Variants in TMEM243 observed in about 807,000 individuals in gnomAD.
TMEM243 encodes transmembrane protein 243.
In TMEM243, 20 loss-of-function variants were observed where a neutral mutation model predicts 15.0. The ratio of observed to expected loss-of-function variants is 1.33; its 90% CI spans 0.94 to 1.93. TMEM243 has a LOEUF of 1.93. Ranked by LOEUF, TMEM243 falls within the 30% of genes most tolerant of loss-of-function variation. The pLI, the probability that TMEM243 is intolerant of heterozygous loss-of-function variation, is 0.00. For synonymous variants in TMEM243, 72 were observed against 52.7 expected (o/e 1.37, Z -1.59); for missense variants, 156 against 142.1 (o/e 1.10, Z -0.50).
At position 87,196,647 on chromosome 7, in the gene TMEM243, C is replaced by T; in HGVS notation, c.346G>A (p.Val116Met). 1 of 1,608,840 alleles carries T rather than the reference C, an allele frequency of 6.2e-7. No homozygotes were observed. Among genetic ancestry groups the T allele is most frequent in the Non-Finnish European group, 8.5e-7 (1 of 1,177,700 alleles). The change falls in exon 4 of 4, where the codon GTG (valine) becomes ATG (methionine). Residue 116 changes from valine (V) to methionine (M), a missense_variant. Physicochemically the swap from Val to Met is conservative, Grantham distance 21 (BLOSUM62 1). Coordinates refer to ENST00000257637, the MANE Select transcript of TMEM243 (RefSeq NM_024315.4). ...TCTCCTTGGCAGCCTCACCTTCCCACATCATGGAAGTACAGGTTTGCACAT... is the reference window on the plus strand; with the variant it reads ...TCTCCTTGGCAGCCTCACCTTCCCATATCATGGAAGTACAGGTTTGCACAT... The part of the protein sequence containing the change: ...CICANLYFHD[V>M]GR
In TMEM243 at chr7:87,199,076, T is replaced by C. The variant is rs758850116; in HGVS notation, c.79-19A>G. 13 of 1,601,314 alleles carry C rather than the reference T, an allele frequency of 8.1e-6. No individual in the cohort carries two copies. The East Asian group carries it at 2.9e-4, about 36-fold the overall frequency. ...TTCGATCCTGAAAGAGAAAAGAATTTTTAAGCCATATGACTTGGATCCATG... is the reference window on the plus strand; with the variant it reads ...TTCGATCCTGAAAGAGAAAAGAATTCTTAAGCCATATGACTTGGATCCATG... On this transcript the variant is annotated intron_variant, in intron 1 of 3. Coordinates refer to ENST00000257637, the MANE Select transcript of TMEM243 (RefSeq NM_024315.4).
chr7:87,201,712 G>C (rs2129223790), intron 1 of TMEM243, among the ~76,000 whole-genome samples: 1 of 152,280 alleles, frequency 6.6e-6, no homozygotes, highest in South Asian at 2.1e-4. Flanking sequence ...GGAGTAAATT[G>C]AAACTCATTA....
chr7:87,208,881 T>C (rs1258664832), intron 1 of TMEM243, among the ~76,000 whole-genome samples: 1 of 152,260 alleles, frequency 6.6e-6, no homozygotes, highest in Non-Finnish European at 1.5e-5. Context: ...TGTACAAAGG[T>C]GCCACCGTAT....
At chr7:87,217,129 T>C (rs1803171246) in intron 1 of TMEM243, among the ~76,000 whole-genome samples, 1 of 152,230 alleles carries the variant, frequency 6.6e-6, no homozygotes, top group Admixed American at 6.5e-5. Flanking sequence ...AGAGGCTATA[T>C]GTGTCCGTTC....
Position 87,196,599 on chromosome 7 carries a change from T to C in TMEM243, c.*37A>G. 1 of 1,587,374 alleles carries C rather than the reference T, an allele frequency of 6.3e-7. No individual in the cohort carries two copies. The highest frequency in any genetic ancestry group is 8.5e-7 in the Non-Finnish European group (1 of 1,171,156). ...ATTACTCACTGTCCTAATGTATCAT[T>C]TTGAAGAGTCCTGGTAAGTACTTCT... is the stretch of plus-strand genomic sequence containing the variant. On this transcript the variant is annotated 3_prime_UTR_variant, in exon 4 of 4. Transcript: ENST00000257637.
intron 1 of TMEM243, chr7:87,202,828 A>G (rs551021524): frequency 6.6e-6 from 1 of 152,318 alleles, no homozygotes; most frequent in East Asian, 1.9e-4. Flanking sequence ...GACTCTATCA[A>G]ATGAGAAGAC....
intron 1 of TMEM243, among the ~76,000 whole-genome samples, chr7:87,202,654 T>C (rs1801900940): frequency 6.6e-6 from 1 of 152,216 alleles, no homozygotes; most frequent in African/African-American, 2.4e-5. Flanking sequence ...AAAAATCTCC[T>C]ATCCAATGCT....
intron 1 of TMEM243, among the ~76,000 whole-genome samples, chr7:87,204,892 G>C (rs909902682): frequency 2.6e-5 from 4 of 152,234 alleles, no homozygotes; most frequent in African/African-American, 9.6e-5. Flanking sequence ...CTTCCTTGCT[G>C]CCCTAGCAGA....
At chr7:87,218,236 G>A (rs1456518060) in intron 1 of TMEM243, among the ~76,000 whole-genome samples, 2 of 152,222 alleles carry the variant, frequency 1.3e-5, no homozygotes, top group East Asian at 3.8e-4. Context: ...AACATCTACT[G>A]GAGGAGGAAT....
intron 1 of TMEM243, among the ~76,000 whole-genome samples, chr7:87,209,317 T>A (rs1471834515): frequency 9.6e-6 from 1 of 103,858 alleles, no homozygotes; most frequent in Non-Finnish European, 2.0e-5. Context: ...TGGGAAAGGG[T>A]GGGAATGAGG....
At chr7:87,208,001 C>T (rs555674647) in intron 1 of TMEM243, among the ~76,000 whole-genome samples, 7 of 152,148 alleles carry the variant, frequency 4.6e-5, no homozygotes, top group African/African-American at 1.4e-4. Context: ...CCCCATGATT[C>T]AATCATCTCC....
intron 1 of TMEM243, among the ~76,000 whole-genome samples, chr7:87,213,703 G>A (rs1802915097): frequency 6.6e-6 from 1 of 152,118 alleles, no homozygotes; most frequent in Non-Finnish European, 1.5e-5. Flanking sequence ...ATTTGCAGAG[G>A]CCAAATGCTC....
At chr7:87,207,864 AC>A (rs1477143630) in intron 1 of TMEM243, among the ~76,000 whole-genome samples, 4 of 152,168 alleles carry the variant, frequency 2.6e-5, no homozygotes, top group African/African-American at 9.7e-5. Context: ...CCTCTGTCAG[AC>A]ATCCTACCCC....
chr7:87,205,251 T>A lies in TMEM243; in HGVS notation c.79-6194A>T, dbSNP rs1802120036. On this transcript the variant is annotated intron_variant, in intron 1 of 3. Coordinates refer to ENST00000257637, the MANE Select transcript of TMEM243 (RefSeq NM_024315.4). ...TGCCTCAAAGGTCTCTGACATGGCCTGGAGACATTTTCCCCATTGTCTTGG... is the reference window on the plus strand; with the variant it reads ...TGCCTCAAAGGTCTCTGACATGGCCAGGAGACATTTTCCCCATTGTCTTGG... 2.0e-5 allele frequency among the ~76,000 whole-genome samples: 3 copies of A among 152,202 alleles called. No homozygotes were observed. The South Asian group carries it at 6.2e-4, about 31-fold the overall frequency.
chr7:87,220,523 C>A (rs1803458413), upstream of TMEM243: 1 of 152,300 alleles, frequency 6.6e-6, no homozygotes, highest in Admixed American at 6.5e-5. Context: ...CTGCGGATCA[C>A]CTCCCGGCTC....
chr7:87,219,758 G>C (rs779346525), upstream of TMEM243: 6 of 508,220 alleles, frequency 1.2e-5, no homozygotes, highest in Admixed American at 2.2e-4. Flanking sequence ...CTGCGTGGCA[G>C]ACTCTCAGCG....
intron 3 of TMEM243, chr7:87,197,623 C>G: frequency 3.5e-6 from 3 of 864,816 alleles, no homozygotes; most frequent in Admixed American, 3.6e-5. Flanking sequence ...TTGGCCCTTA[C>G]GTAGTCCTTG....
At chr7:87,197,606 A>G (rs2129218061) in intron 3 of TMEM243, 1 of 653,246 alleles carries the variant, frequency 1.5e-6, no homozygotes, top group East Asian at 3.3e-5. Context: ...GCATTTCCCA[A>G]AGACTGTTGG....
At chr7:87,201,972 A>T (rs1801843858) in intron 1 of TMEM243, among the ~76,000 whole-genome samples, 1 of 152,316 alleles carries the variant, frequency 6.6e-6, no homozygotes, top group African/African-American at 2.4e-5. Context: ...CTTCCCAGAG[A>T]CAAAATATTC....
Sources: allele counts gnomAD v4.1 joint callset (sites outside exome capture counted in the v4.1 genomes callset), GRCh38; gene constraint gnomAD v4.1.1; transcripts MANE v1.5; gene names NCBI Gene and HGNC (gene_info 2026-07-23, HGNC 2026-07-21).